GNRH1: variants seen among roughly 807,000 people sequenced by gnomAD.
The protein encoded by GNRH1 is gonadotropin releasing hormone 1.
In GNRH1, 9 loss-of-function variants were observed where a neutral mutation model predicts 13.6. The observed-to-expected ratio is 0.66, with a 90% CI of 0.40 to 1.15. The LOEUF is 1.15. Among genes scored for constraint, GNRH1 ranks in the 50% most tolerant of loss-of-function variants. The pLI, the probability that GNRH1 is intolerant of heterozygous loss-of-function variation, is 0.01. For missense variants in GNRH1, 116 were observed against 110.8 expected, an observed-to-expected ratio of 1.05 and a Z score of -0.21; for synonymous variants, 44 against 40.1, an observed-to-expected ratio of 1.10 and a Z score of -0.37.
At chr8:25,422,718 C>G (rs1486341041) in intron 2 of GNRH1, among the ~76,000 whole-genome samples, 1 of 151,994 alleles carries the variant, frequency 6.6e-6, no homozygotes, top group Non-Finnish European at 1.5e-5. Context: ...CTTAAATGCC[C>G]CTATCAGTGA....
In GNRH1 at chr8:25,423,175, C is replaced by G; in HGVS notation, c.141+15G>C. 6.3e-7 allele frequency: 1 copy of G among 1,580,506 alleles called. No homozygotes were observed. Reference sequence around the variant, plus strand: ...AAAATCACTATGTCTTATTTTGAAGCTGAGAGAAACTTACCTCTTGGAAAG... The same window carrying G: ...AAAATCACTATGTCTTATTTTGAAGGTGAGAGAAACTTACCTCTTGGAAAG... On this transcript the variant is annotated intron_variant, in intron 2 of 3. Coordinates refer to ENST00000421054, the MANE Select transcript of GNRH1 (RefSeq NM_001083111.2).
rs1472097785 is a variant in GNRH1, at chr8:25,423,252, A to ACC, written c.77_78dup (p.Ser27GlyfsTer16). On this transcript the variant is annotated frameshift_variant, in exon 2 of 4. Transcript: ENST00000421054. LOFTEE classifies it high-confidence loss of function. ...TTTCCTCCAGGGCGCAGTCCATAGG[A>ACC]CCAGTGCTGGCTGGAGCAGCCTTCC... 6.2e-7 allele frequency: 1 copy of ACC among 1,612,130 alleles called. No individual in the cohort carries two copies. The highest frequency in any genetic ancestry group is 8.5e-7 in the Non-Finnish European group (1 of 1,178,302).
At chr8:25,421,715 A>C in intron 2 of GNRH1, 47 bp from the exon 3 acceptor site, 1 of 953,858 alleles carries the variant, frequency 1.0e-6, no homozygotes, top group Non-Finnish European at 1.7e-6. Context: ...AAAGAAATGA[A>C]ATGGTGTTTT....
chr8:25,422,503 G>A (rs574785383), intron 2 of GNRH1, among the ~76,000 whole-genome samples: 85 of 152,242 alleles, frequency 5.6e-4, no homozygotes, highest in African/African-American at 2.0e-3. Context: ...AGCTGTGATC[G>A]TGCCACTAAA....
chr8:25,424,037 G>A, intron 1 of GNRH1, 164 bp downstream of exon 1: 1 of 152,580 alleles, frequency 6.6e-6, no homozygotes, highest in Non-Finnish European at 1.5e-5. Flanking sequence ...CCCAAAGCCT[G>A]GATCTCTGTG....
intron 3 of GNRH1, among the ~76,000 whole-genome samples, chr8:25,420,867 C>T (rs554831034): frequency 1.1e-4 from 17 of 152,066 alleles, no homozygotes; most frequent in South Asian, 4.2e-4. Context: ...CACTCTAGCC[C>T]GGGGAACAGA....
Position 25,424,193 on chromosome 8 carries a change from C to G in GNRH1, c.-2+8G>C, listed in dbSNP as rs544978358. 4 of 152,246 alleles carry G rather than the reference C, an allele frequency of 2.6e-5. No homozygotes were observed. The South Asian group carries it at 6.2e-4, about 24-fold the overall frequency. The allele number at this position is 152,246 out of a possible 1,614,324, so 9.4% of individuals were successfully genotyped here. A position where few individuals can be genotyped will look rare whatever the true frequency, so the allele number is the denominator to read the frequency against. ...AACTCGTGCTAGAAATAATACAAAGCCTTTTACCTGTTTAGAGGCAGAGAG... is the reference window on the plus strand; with the variant it reads ...AACTCGTGCTAGAAATAATACAAAGGCTTTTACCTGTTTAGAGGCAGAGAG... On this transcript the variant is annotated splice_region_variant and intron_variant, in intron 1 of 3. Coordinates refer to ENST00000421054, the MANE Select transcript of GNRH1 (RefSeq NM_001083111.2).
chr8:25,419,346 G>T lies in GNRH1; in HGVS notation c.*73C>A. ...TCATACCATTTACAGGTATTTAATG[G>T]GTTATAAATTTTCAATGTCAGAATT... On this transcript the variant is annotated 3_prime_UTR_variant, in exon 4 of 4. Transcript: ENST00000421054. 1 of 831,488 alleles carries T rather than the reference G, an allele frequency of 1.2e-6. No homozygotes were observed. The highest frequency in any genetic ancestry group is 2.4e-5 in the East Asian group (1 of 41,354). 51.5% of individuals were successfully genotyped at this position (831,488 alleles called of 1,614,324 possible). A position where few individuals can be genotyped will look rare whatever the true frequency, so the allele number is the denominator to read the frequency against.
chr8:25,420,363 G>A (rs1005317126), intron 3 of GNRH1, among the ~76,000 whole-genome samples: 15 of 59,738 alleles, frequency 2.5e-4, no homozygotes, highest in South Asian at 5.5e-4. Flanking sequence ...GCATTGAGCC[G>A]AGATTGCGCC....
At chr8:25,421,003 A>C (rs1384808316) in intron 3 of GNRH1, among the ~76,000 whole-genome samples, 2 of 152,140 alleles carry the variant, frequency 1.3e-5, no homozygotes, top group Non-Finnish European at 2.9e-5. Flanking sequence ...CGGAATTTGG[A>C]GGTGATTATT....
At chr8:25,424,937 T>C (rs1335818260), upstream of GNRH1, among the ~76,000 whole-genome samples, 1 of 152,212 alleles carries the variant, frequency 6.6e-6, no homozygotes, top group African/African-American at 2.4e-5. Flanking sequence ...CAAGACCATA[T>C]TGAGCAGACT....
At chr8:25,424,499 G>A (rs935271030), upstream of GNRH1, 1 of 152,092 alleles carries the variant, frequency 6.6e-6, no homozygotes, top group African/African-American at 2.4e-5. Context: ...TATAGCTGAG[G>A]ACACAATTCA....
Position 25,421,654 on chromosome 8 carries a change from A to C in GNRH1, c.156T>G (p.Val52=), listed in dbSNP as rs1323792152. 1 of 1,571,186 alleles carries C rather than the reference A, an allele frequency of 6.4e-7. No individual in the cohort carries two copies. The highest frequency in any genetic ancestry group is 8.7e-7 in the Non-Finnish European group (1 of 1,143,248). The change falls in exon 3 of 4, where the codon GTT becomes GTG. Residue 52 remains valine, a synonymous_variant. Transcript: ENST00000421054. ...AGCGTTGGGTTTCTGCCAGTTGACC[A>C]ACCTCTTTGACTATCTGAAGAAAGA... ...IDSFQEIVKE[V]GQLAETQRFE...
chr8:25,423,393 C>G, intron 1 of GNRH1, 62 bp from the exon 2 acceptor site: 1 of 1,427,688 alleles, frequency 7.0e-7, no homozygotes, highest in Non-Finnish European at 9.9e-7. Context: ...AACTAAAAGA[C>G]CTCTTTAGTG....
At chr8:25,421,208 G>T (rs191461212) in intron 3 of GNRH1, among the ~76,000 whole-genome samples, 47 of 152,284 alleles carry the variant, frequency 3.1e-4, no homozygotes, top group African/African-American at 1.1e-3. Context: ...CTGTGGAGTA[G>T]CCTGGAGTGG....
intron 2 of GNRH1, 23 bp downstream of exon 2, chr8:25,423,167 T>G: frequency 1.3e-6 from 2 of 1,546,440 alleles, no homozygotes; most frequent in Non-Finnish European, 1.8e-6. Context: ...CTATGTCTTA[T>G]TTTGAAGCTG....
chr8:25,422,001 T>TA (rs146352728), intron 2 of GNRH1, among the ~76,000 whole-genome samples: 1 of 151,868 alleles, frequency 6.6e-6, no homozygotes, highest in Non-Finnish European at 1.5e-5. Context: ...TTTATAGTTG[T>TA]AAAAAAAGGT....
chr8:25,421,869 G>A (rs1293310771), intron 2 of GNRH1, among the ~76,000 whole-genome samples: 11 of 151,978 alleles, frequency 7.2e-5, no homozygotes, highest in Non-Finnish European at 1.6e-4. Context: ...TGGGGATCTG[G>A]AGATAATGGA....
rs563823524 is a variant in GNRH1 at position 25,423,371 on chromosome 8, A to T, written c.-1-40T>A. ...TGCACAATCAAATTAGATCCAGACA[A>T]GGTTGAGTATAAACTAAAAGACCTC... On this transcript the variant is annotated intron_variant, in intron 1 of 3. Transcript: ENST00000421054. The T allele has an allele frequency of 1.8e-5, 28 of 1,591,684 alleles. No homozygotes were observed. The South Asian group carries it at 2.8e-4, about 16-fold the overall frequency.
Sources: gnomAD v4.1 joint callset for allele counts (sites outside exome capture counted in the v4.1 genomes callset) on GRCh38, gnomAD v4.1.1 for gene constraint, MANE v1.5 for transcripts, NCBI Gene and HGNC (gene_info 2026-07-23, HGNC 2026-07-21) for gene names.